Variants in HSDL2 observed in about 807,000 individuals in gnomAD.
HSDL2 encodes the protein hydroxysteroid dehydrogenase-like protein 2.
HSDL2 carries 27 observed loss-of-function variants against 46.3 expected under a neutral mutation model. That is an observed-to-expected ratio of 0.58 (90% CI 0.43 to 0.80). The LOEUF is 0.80. Ranked by LOEUF, HSDL2 falls within the 30% of genes least tolerant of loss-of-function variation. HSDL2 has a pLI of 0.00. For synonymous variants in HSDL2, 153 were observed against 163.6 expected (o/e 0.94, Z 0.50); for missense variants, 451 against 502.7 (o/e 0.90, Z 0.98).
At chr9:112,413,265 G>A (rs1231273516) in intron 4 of HSDL2, among the ~76,000 whole-genome samples, 5 of 151,812 alleles carry the variant, frequency 3.3e-5, no homozygotes, top group Admixed American at 1.3e-4. Context: ...GATTACATGA[G>A]GTCGGAAGTT....
intron 8 of HSDL2, 138 bp from the exon 9 acceptor site, chr9:112,453,875 A>G: frequency 1.5e-6 from 1 of 648,166 alleles, no homozygotes; most frequent in Non-Finnish European, 2.6e-6. Flanking sequence ...ATGCTTTTAG[A>G]TGCCACTTAA....
intron 4 of HSDL2, among the ~76,000 whole-genome samples, chr9:112,415,717 T>G (rs1685593016): frequency 6.6e-6 from 1 of 152,312 alleles, no homozygotes; most frequent in Non-Finnish European, 1.5e-5. Flanking sequence ...GCCAGGCCAT[T>G]AAGCAGAATT....
chr9:112,436,960 CTT>C (rs780957603), intron 6 of HSDL2, among the ~76,000 whole-genome samples: 3 of 126,772 alleles, frequency 2.4e-5, no homozygotes, highest in Admixed American at 8.7e-5. Context: ...TTCTTTTTTT[CTT>C]TTTTTTTTTT....
At chr9:112,384,428 G>A (rs2132588016) in intron 1 of HSDL2, among the ~76,000 whole-genome samples, 1 of 152,270 alleles carries the variant, frequency 6.6e-6, no homozygotes, top group Non-Finnish European at 1.5e-5. Flanking sequence ...GAGTGAGGAA[G>A]AAAATGCCCT....
At chr9:112,458,520 T>C (rs567655162) in intron 9 of HSDL2, among the ~76,000 whole-genome samples, 211 of 151,300 alleles carry the variant, frequency 1.4e-3, no homozygotes, top group Non-Finnish European at 2.4e-3. Context: ...AGAAACGGGG[T>C]TTCACCATGT....
intron 1 of HSDL2, among the ~76,000 whole-genome samples, chr9:112,388,736 T>A (rs7868883): frequency 0.025 from 3,869 of 151,744 alleles, 129 homozygotes; most frequent in East Asian, 0.1. Flanking sequence ...CCTGGGCGAC[T>A]GAGTGTGACT....
intron 6 of HSDL2, among the ~76,000 whole-genome samples, chr9:112,424,029 A>T (rs1446952890): frequency 4.0e-5 from 6 of 150,788 alleles, no homozygotes; most frequent in East Asian, 2.0e-4. Flanking sequence ...GGTATCTTTT[A>T]AAAAAATTAG....
At chr9:112,422,509 G>A (rs1478118260) in intron 6 of HSDL2, among the ~76,000 whole-genome samples, 2 of 152,212 alleles carry the variant, frequency 1.3e-5, no homozygotes, top group African/African-American at 4.8e-5. Flanking sequence ...AGGGTTGGAT[G>A]TTGAGTAACA....
At chr9:112,430,573 G>T (rs137892331) in intron 6 of HSDL2, among the ~76,000 whole-genome samples, 10 of 152,270 alleles carry the variant, frequency 6.6e-5, no homozygotes, top group African/African-American at 9.6e-5. Context: ...AGGGGCAAAG[G>T]GGGGAACAGT....
At chr9:112,417,013 T>C (rs2132640835) in intron 5 of HSDL2, 69 bp downstream of exon 5, 1 of 632,608 alleles carries the variant, frequency 1.6e-6, no homozygotes, top group East Asian at 2.8e-5. Context: ...TCTGTGTATG[T>C]CTGATGTAAT....
intron 8 of HSDL2, among the ~76,000 whole-genome samples, chr9:112,443,938 G>A (rs1241286125): frequency 6.6e-6 from 1 of 152,200 alleles, no homozygotes; most frequent in Non-Finnish European, 1.5e-5. Flanking sequence ...TAGGTAGAGT[G>A]TAAAATCAGT....
chr9:112,429,921 A>G (rs1041626416), intron 6 of HSDL2, among the ~76,000 whole-genome samples: 17 of 152,110 alleles, frequency 1.1e-4, no homozygotes, highest in Non-Finnish European at 4.4e-5. Flanking sequence ...GCAGAACTCC[A>G]TATCTACAAA....
intron 4 of HSDL2, among the ~76,000 whole-genome samples, chr9:112,409,293 G>A (rs568826189): frequency 5.3e-4 from 80 of 152,106 alleles, no homozygotes; most frequent in African/African-American, 1.8e-3. Flanking sequence ...AGGTTCAAGC[G>A]ATTCTCCTGC....
intron 1 of HSDL2, 127 bp from the exon 2 acceptor site, chr9:112,403,867 TG>T (rs1831662905): frequency 2.3e-6 from 2 of 853,434 alleles, no homozygotes; most frequent in Admixed American, 2.5e-5. Context: ...CAGATGGGCA[TG>T]GGGAGGGTTT....
At chr9:112,441,791 T>TCTAAC in intron 8 of HSDL2, 21 bp downstream of exon 8, 2 of 1,430,024 alleles carry the variant, frequency 1.4e-6, no homozygotes, top group Non-Finnish European at 2.0e-6. Flanking sequence ...GACTATATTT[T>TCTAAC]ATGTTAGAAA....
Position 112,380,217 on chromosome 9 carries a change from C to G in HSDL2, c.17+37C>G, listed in dbSNP as rs766384300. The G allele has an allele frequency of 2.0e-6, 3 of 1,532,030 alleles. No homozygotes were observed. In the South Asian group the frequency reaches 3.6e-5, roughly 18 times the overall value. 94.9% of individuals were successfully genotyped at this position (1,532,030 alleles called of 1,614,324 possible). The stretch of plus-strand genomic sequence containing the variant: ...GGGGCGGCGCGGGGAGAGACCCTGT[C>G]GGGCGAAGGGCGCGTCTCGGTGGGG... On this transcript the variant is annotated intron_variant, in intron 1 of 10. Coordinates refer to ENST00000398805, the MANE Select transcript of HSDL2 (RefSeq NM_032303.5).
chr9:112,460,278 C>A (rs1047866781), intron 10 of HSDL2, among the ~76,000 whole-genome samples: 4 of 152,152 alleles, frequency 2.6e-5, no homozygotes, highest in African/African-American at 4.8e-5. Flanking sequence ...CTGTTTTAAT[C>A]TTTTCTAAGC....
At chr9:112,442,415 TG>T (rs1448391462) in intron 8 of HSDL2, among the ~76,000 whole-genome samples, 4 of 152,232 alleles carry the variant, frequency 2.6e-5, no homozygotes, top group Non-Finnish European at 5.9e-5. Context: ...TATGTTATTT[TG>T]AGGAAAAGTG....
At chr9:112,426,729 TTAAG>T (rs1187688259) in intron 6 of HSDL2, among the ~76,000 whole-genome samples, 3 of 152,220 alleles carry the variant, frequency 2.0e-5, no homozygotes, top group African/African-American at 7.2e-5. Context: ...ATAAAAATAA[TTAAG>T]TTTCTGTATT....
Sources: gnomAD v4.1 joint callset for allele counts (sites outside exome capture counted in the v4.1 genomes callset) on GRCh38, gnomAD v4.1.1 for gene constraint, MANE v1.5 for transcripts, NCBI Gene and HGNC (gene_info 2026-07-23, HGNC 2026-07-21) for gene names.